The following THRSP variants were observed in gnomAD, a reference collection of about 807,000 sequenced individuals.
THRSP encodes thyroid hormone-inducible hepatic protein.
In THRSP, 9 loss-of-function variants were observed where a neutral mutation model predicts 11.1. The ratio of observed to expected loss-of-function variants is 0.81; its 90% CI spans 0.49 to 1.42. THRSP has a LOEUF of 1.42. Ranked by LOEUF, THRSP falls within the 40% of genes most tolerant of loss-of-function variation. The probability of loss-of-function intolerance (pLI) is 0.00; values close to 1 mark genes in which losing one functional copy is unlikely to be tolerated. For missense variants in THRSP, 177 were observed against 188.2 expected (o/e 0.94, Z 0.35); for synonymous variants, 73 against 78.1 (o/e 0.94, Z 0.34).
rs770613377 is a variant in THRSP at position 78,063,936 on chromosome 11, C to A, written c.55C>A (p.Arg19=). The part of the protein sequence containing the change: ...PKNCLLTVMD[R]YAAEVHNMEQ... ...GAACTGCCTGCTGACCGTCATGGAC[C>A]GGTATGCAGCCGAGGTGCACAACAT... Residue 19 remains arginine, a synonymous_variant, in exon 1 of 2, where the codon CGG becomes AGG. Coordinates refer to ENST00000281030, the MANE Select transcript of THRSP (RefSeq NM_003251.4). 6.2e-7 allele frequency: 1 copy of A among 1,609,814 alleles called. No individual in the cohort carries two copies. Among genetic ancestry groups the A allele is most frequent in the Non-Finnish European group, 8.5e-7 (1 of 1,178,096 alleles).
rs776880667 is a variant in THRSP, at chr11:78,064,314, G to A, written c.433G>A (p.Val145Ile). The stretch of plus-strand genomic sequence containing the variant: ...GAAATACCAGGAAATGACGGGACAA[G>A]TTTGGTAGACCTTGGACACTAGGGA... ...TRKYQEMTGQ[V>I]W The change falls in exon 1 of 2, where the codon GTT becomes ATT. Residue 145 changes from valine to isoleucine, a missense_variant. By Grantham distance (29) the Val-to-Ile change is conservative (BLOSUM62 3). Transcript: ENST00000281030. 7 of 1,609,900 alleles carry A rather than the reference G, an allele frequency of 4.3e-6. No homozygotes were observed. In the Admixed American group the frequency reaches 8.4e-5, roughly 19 times the overall value.
At chr11:78,064,372 C>A in intron 1 of THRSP, 31 bp downstream of exon 1, 1 of 1,542,440 alleles carries the variant, frequency 6.5e-7, no homozygotes, top group Non-Finnish European at 8.8e-7. Flanking sequence ...GGGTGTGAGT[C>A]TACAAAGGGA....
rs1173877763 is a variant in THRSP at position 78,067,661 on chromosome 11, C to T, written c.*22C>T. 3 of 152,186 alleles carry T rather than the reference C, an allele frequency of 2.0e-5. No individual in the cohort carries two copies. The highest frequency in any genetic ancestry group is 4.4e-5 in the Non-Finnish European group (3 of 68,042). The allele number at this position is 152,186 out of a possible 1,614,324, so 9.4% of individuals were successfully genotyped here. On this transcript the variant is annotated splice_region_variant and 3_prime_UTR_variant, in exon 2 of 2. Coordinates refer to ENST00000281030, the MANE Select transcript of THRSP (RefSeq NM_003251.4). Reference sequence around the variant, plus strand: ...TTAAAAATTTCTTCACTCCACAGATCCCTTCACATGATAGAAGACAGACTC... The same window carrying T: ...TTAAAAATTTCTTCACTCCACAGATTCCTTCACATGATAGAAGACAGACTC...
intron 1 of THRSP, among the ~76,000 whole-genome samples, chr11:78,066,052 C>A (rs1350208764): frequency 6.6e-6 from 1 of 152,220 alleles, no homozygotes; most frequent in Non-Finnish European, 1.5e-5. Flanking sequence ...TAATTCATTT[C>A]TCTGGGTTTC....
chr11:78,063,982 C>G lies in THRSP; in HGVS notation c.101C>G (p.Pro34Arg). The change falls in exon 1 of 2, where the codon CCC becomes CGC. Residue 34 changes from proline to arginine, a missense_variant. Physicochemically the swap from Pro to Arg is moderately radical, Grantham distance 103. Transcript: ENST00000281030. ...VHNMEQVVMIPSLLRDVQLSG... is the reference protein window; with the variant it reads ...VHNMEQVVMIRSLLRDVQLSG... ...AACATGGAGCAGGTGGTGATGATCC[C>G]CAGCCTTCTGCGGGACGTGCAGCTG... 1 of 1,614,088 alleles carries G rather than the reference C, an allele frequency of 6.2e-7. No individual in the cohort carries two copies. The highest frequency in any genetic ancestry group is 1.3e-5 in the African/African-American group (1 of 75,066).
intron 1 of THRSP, among the ~76,000 whole-genome samples, chr11:78,064,782 G>A (rs745657903): frequency 3.9e-5 from 6 of 152,084 alleles, no homozygotes; most frequent in Non-Finnish European, 8.8e-5. Flanking sequence ...GAGGCCAGGA[G>A]ATTGAGACCA....
rs149590358 is a variant in THRSP, at chr11:78,064,239, C to A, written c.358C>A (p.Leu120Ile). 1.3e-5 allele frequency: 21 copies of A among 1,614,144 alleles called. No homozygotes were observed. The highest frequency in any genetic ancestry group is 1.8e-5 in the Non-Finnish European group (21 of 1,180,030). Reference protein sequence around the residue: ...EAQFHLHFSSLHHILMHLTEK... With the variant: ...EAQFHLHFSSIHHILMHLTEK... ...CCAGTTCCACCTGCACTTCTCCAGC[C>A]TCCATCACATCCTCATGCACCTCAC... is the stretch of plus-strand genomic sequence containing the variant. Residue 120 changes from leucine to isoleucine, a missense_variant, in exon 1 of 2, where the codon CTC (leucine) becomes ATC (isoleucine). Coordinates refer to ENST00000281030, the MANE Select transcript of THRSP (RefSeq NM_003251.4).
chr11:78,065,924 G>A (rs1044016311), intron 1 of THRSP, among the ~76,000 whole-genome samples: 3 of 152,032 alleles, frequency 2.0e-5, no homozygotes, highest in African/African-American at 7.2e-5. Context: ...TCCCTCTCCC[G>A]TTGAGGCTCC....
chr11:78,064,400 G>A (rs1401782691), intron 1 of THRSP, 59 bp downstream of exon 1: 1 of 1,441,596 alleles, frequency 6.9e-7, no homozygotes, highest in South Asian at 1.4e-5. Flanking sequence ...GGAGAGGAGA[G>A]GGGGCAGTGG....
At chr11:78,065,464 A>G (rs1420915070) in intron 1 of THRSP, among the ~76,000 whole-genome samples, 1 of 152,156 alleles carries the variant, frequency 6.6e-6, no homozygotes, top group East Asian at 1.9e-4. Flanking sequence ...GACTAGTATT[A>G]ATAGAAATTG....
In THRSP at chr11:78,064,331, C is replaced by T. The variant is rs753293383; in HGVS notation, c.*9C>T. On this transcript the variant is annotated 3_prime_UTR_variant, in exon 1 of 2. Transcript: ENST00000281030. ...CGGGACAAGTTTGGTAGACCTTGGA[C>T]ACTAGGGAAGGTAATGGTGGCCATG... 2 of 1,599,414 alleles carry T rather than the reference C, an allele frequency of 1.3e-6. No homozygotes were observed. The highest frequency in any genetic ancestry group is 1.7e-6 in the Non-Finnish European group (2 of 1,172,230).
At chr11:78,067,124 C>CT (rs35866233) in intron 1 of THRSP, among the ~76,000 whole-genome samples, 93,569 of 130,848 alleles carry the variant, frequency 0.72, 34,049 homozygotes, top group African/African-American at 0.84. Flanking sequence ...CGCACCCAAC[C>CT]TTTTTTTTTT....
At chr11:78,067,129 T>G (rs1858779289) in intron 1 of THRSP, among the ~76,000 whole-genome samples, 1 of 135,746 alleles carries the variant, frequency 7.4e-6, no homozygotes, top group South Asian at 2.4e-4. Flanking sequence ...CCAACCTTTT[T>G]TTTTTTTTTG....
At chr11:78,064,988 C>CAAA (rs57192362) in intron 1 of THRSP, among the ~76,000 whole-genome samples, 24 of 132,690 alleles carry the variant, frequency 1.8e-4, no homozygotes, top group African/African-American at 2.6e-4. Flanking sequence ...GACTCCATCT[C>CAAA]AAAAAAAAAA....
chr11:78,066,169 C>T (rs915935802), intron 1 of THRSP, among the ~76,000 whole-genome samples: 3 of 152,142 alleles, frequency 2.0e-5, no homozygotes, highest in Non-Finnish European at 4.4e-5. Context: ...ATCATCCCCC[C>T]CCACCTTTTT....
intron 1 of THRSP, 74 bp downstream of exon 1, chr11:78,064,415 AC>A (rs1193623695): frequency 1.5e-6 from 2 of 1,331,060 alleles, no homozygotes; most frequent in Non-Finnish European, 1.0e-6. Context: ...CAGTGGTGCA[AC>A]CCACTGGGAG....
chr11:78,066,338 A>T (rs573027), intron 1 of THRSP, among the ~76,000 whole-genome samples: 109,057 of 151,936 alleles, frequency 0.72, 39,686 homozygotes, highest in African/African-American at 0.83. Context: ...TAATTTTTTT[A>T]AAATCTTTAG....
Position 78,064,468 on chromosome 11 carries a change from G to A in THRSP, c.*19+127G>A. ...TCAGACAGAGCCACTCTTGGGTCAG[G>A]GTATTGGGACCACAACCTAGGAGGG... On this transcript the variant is annotated intron_variant, in intron 1 of 1. Transcript: ENST00000281030. 6.1e-6 allele frequency: 5 copies of A among 820,720 alleles called. No individual in the cohort carries two copies. In the South Asian group the frequency reaches 7.3e-5, roughly 12 times the overall value. The allele number at this position is 820,720 out of a possible 1,614,324, so 50.8% of individuals were successfully genotyped here.
At chr11:78,064,620 A>G (rs1330451668) in intron 1 of THRSP, among the ~76,000 whole-genome samples, 6 of 152,216 alleles carry the variant, frequency 3.9e-5, no homozygotes, top group Non-Finnish European at 7.3e-5. Context: ...GTGTTTGTGC[A>G]TGTGTGCATT....
Sources: gnomAD v4.1 joint callset for allele counts (sites outside exome capture counted in the v4.1 genomes callset) on GRCh38, gnomAD v4.1.1 for gene constraint, MANE v1.5 for transcripts, NCBI Gene and HGNC (gene_info 2026-07-23, HGNC 2026-07-21) for gene names.